Variants in GMPS observed in about 807,000 individuals in gnomAD.
GMPS encodes GMP synthase [glutamine-hydrolyzing].
A neutral mutation model predicts 77.9 loss-of-function variants in GMPS; 15 were observed. The observed-to-expected ratio is 0.19, with a 90% CI of 0.13 to 0.30. The LOEUF (loss-of-function observed/expected upper bound fraction) is 0.30, where lower values mean the gene tolerates loss of function less well. GMPS is among the 10% of genes least tolerant of loss of function. GMPS has a pLI of 1.00. For missense variants in GMPS, 590 were observed against 838.8 expected (o/e 0.70, Z 3.66); for synonymous variants, 224 against 275.9 (o/e 0.81, Z 1.86).
chr3:155,893,829 A>G, intron 2 of GMPS, 130 bp downstream of exon 2: 3 of 564,972 alleles, frequency 5.3e-6, no homozygotes, highest in East Asian at 6.4e-5. Context: ...GAAATTTCCC[A>G]TGGCTCTGAT....
intron 1 of GMPS, among the ~76,000 whole-genome samples, chr3:155,891,987 G>A (rs1040508903): frequency 6.6e-6 from 1 of 152,150 alleles, no homozygotes; most frequent in Admixed American, 6.5e-5. Flanking sequence ...ATGGAGAAGG[G>A]AGGAATGGTG....
At position 155,939,492 on chromosome 3, in the gene GMPS, G is replaced by T. The variant is rs905068021; in HGVS notation, c.*1800G>T. 4.9e-6 allele frequency: 1 copy of T among 204,818 alleles called. No homozygotes were observed. The highest frequency in any genetic ancestry group is 1.0e-5 in the Non-Finnish European group (1 of 99,962). The allele number at this position is 204,818 out of a possible 1,614,324, so 12.7% of individuals were successfully genotyped here. A position where few individuals can be genotyped will look rare whatever the true frequency, so the allele number is the denominator to read the frequency against. On this transcript the variant is annotated 3_prime_UTR_variant, in exon 16 of 16. Transcript: ENST00000496455. ...AGGTCCATGTAAAAAGGATTAGGTG[G>T]TCATATAAGTTTGGGGAACATAAGC...
chr3:155,879,329 GCTATCT>G (rs1175764349), intron 1 of GMPS, among the ~76,000 whole-genome samples: 2 of 143,792 alleles, frequency 1.4e-5, no homozygotes, highest in African/African-American at 2.6e-5. Context: ...CTGCAGTGGT[GCTATCT>G]CAGCTCACTG....
intron 3 of GMPS, 147 bp from the exon 4 acceptor site, chr3:155,903,716 G>T (rs1229038651): frequency 4.1e-6 from 2 of 489,206 alleles, no homozygotes; most frequent in Non-Finnish European, 7.4e-6. Context: ...AATACCAAAT[G>T]GTCTACATTT....
intron 14 of GMPS, among the ~76,000 whole-genome samples, chr3:155,935,844 G>A (rs1031072787): frequency 2.6e-5 from 4 of 152,168 alleles, no homozygotes; most frequent in Non-Finnish European, 5.9e-5. Context: ...ATTCAGGCAT[G>A]AGTTAAAGAG....
At chr3:155,870,018 C>T (rs1385742734), upstream of GMPS, among the ~76,000 whole-genome samples, 1 of 152,218 alleles carries the variant, frequency 6.6e-6, no homozygotes, top group East Asian at 1.9e-4. Flanking sequence ...ACGACCAGTT[C>T]CCTGGGCCAG....
At chr3:155,926,275 G>A (rs1270902378) in intron 12 of GMPS, among the ~76,000 whole-genome samples, 1 of 152,170 alleles carries the variant, frequency 6.6e-6, no homozygotes, top group Non-Finnish European at 1.5e-5. Context: ...GCCTCCCAAA[G>A]TGTTAGGATT....
At position 155,914,580 on chromosome 3, in the gene GMPS, T is replaced by C; in HGVS notation, c.1038+10T>C. ...GGATACTTTTGTTAAGGTACCTTTG[T>C]TTTTAATATCCTCAACATGTACTAT... On this transcript the variant is annotated intron_variant, in intron 8 of 15. Coordinates refer to ENST00000496455, the MANE Select transcript of GMPS (RefSeq NM_003875.3). 6.5e-7 allele frequency: 1 copy of C among 1,536,582 alleles called. No homozygotes were observed. The highest frequency in any genetic ancestry group is 8.8e-7 in the Non-Finnish European group (1 of 1,134,306).
At chr3:155,916,376 T>A (rs112904400) in intron 9 of GMPS, among the ~76,000 whole-genome samples, 184 bp downstream of exon 9, 1 of 152,118 alleles carries the variant, frequency 6.6e-6, no homozygotes, top group Admixed American at 6.6e-5. Context: ...TACCTGTTGT[T>A]GTCATTGTCA....
At chr3:155,923,464 G>T (rs1307357976) in intron 11 of GMPS, among the ~76,000 whole-genome samples, 1 of 152,036 alleles carries the variant, frequency 6.6e-6, no homozygotes, top group African/African-American at 2.4e-5. Context: ...GCAGAATAAA[G>T]GGAAAGAATT....
chr3:155,935,110 A>G, intron 14 of GMPS, 64 bp downstream of exon 14: 1 of 1,106,684 alleles, frequency 9.0e-7, no homozygotes, highest in Non-Finnish European at 1.4e-6. Flanking sequence ...TGATATTAAG[A>G]GTAGGAGGAT....
intron 3 of GMPS, among the ~76,000 whole-genome samples, chr3:155,900,570 T>G (rs961732712): frequency 6.6e-6 from 1 of 152,182 alleles, no homozygotes; most frequent in African/African-American, 2.4e-5. Flanking sequence ...GAAATACGTC[T>G]GAAAAATGCT....
chr3:155,936,978 G>GA (rs1560056052), intron 15 of GMPS, among the ~76,000 whole-genome samples: 1 of 152,200 alleles, frequency 6.6e-6, no homozygotes, highest in African/African-American at 2.4e-5. Context: ...AATAGCAAGT[G>GA]AAAATCAAAG....
At chr3:155,873,593 G>C (rs925071222) in intron 1 of GMPS, among the ~76,000 whole-genome samples, 1 of 146,748 alleles carries the variant, frequency 6.8e-6, no homozygotes, top group African/African-American at 2.5e-5. Context: ...TTTTATTTCC[G>C]TATGTTATTG....
At chr3:155,936,190 G>A (rs920206873) in intron 14 of GMPS, 148 bp from the exon 15 acceptor site, 13 of 598,952 alleles carry the variant, frequency 2.2e-5, no homozygotes, top group South Asian at 6.5e-5. Context: ...AATGCTCTGC[G>A]AGTAGCTGAA....
chr3:155,873,270 ATATTT>A (rs1387892324), intron 1 of GMPS, among the ~76,000 whole-genome samples: 8 of 152,058 alleles, frequency 5.3e-5, no homozygotes, highest in Non-Finnish European at 1.0e-4. Context: ...TTTATACACA[ATATTT>A]TATTTAATTT....
At chr3:155,875,923 T>C (rs994167577) in intron 1 of GMPS, among the ~76,000 whole-genome samples, 1 of 152,038 alleles carries the variant, frequency 6.6e-6, no homozygotes, top group African/African-American at 2.4e-5. Context: ...TGTTATAATG[T>C]GAAAGGGAAT....
chr3:155,875,450 C>A (rs1463668498), intron 1 of GMPS, among the ~76,000 whole-genome samples: 1 of 152,166 alleles, frequency 6.6e-6, no homozygotes, highest in African/African-American at 2.4e-5. Context: ...AGGCTGGTCT[C>A]GAACTCCTGG....
At chr3:155,935,964 T>C (rs1166619082) in intron 14 of GMPS, among the ~76,000 whole-genome samples, 1 of 152,208 alleles carries the variant, frequency 6.6e-6, no homozygotes, top group East Asian at 1.9e-4. Context: ...GATGAAAATA[T>C]TACAACCAGA....
Sources: gnomAD v4.1 joint callset for allele counts (sites outside exome capture counted in the v4.1 genomes callset) on GRCh38, gnomAD v4.1.1 for gene constraint, MANE v1.5 for transcripts, NCBI Gene and HGNC (gene_info 2026-07-23, HGNC 2026-07-21) for gene names.